Variants in CTNNA3 observed in about 807,000 individuals in gnomAD.
CTNNA3 encodes the protein catenin alpha 3.
A neutral mutation model predicts 95.7 loss-of-function variants in CTNNA3; 76 were observed. The observed-to-expected ratio is 0.79, with a 90% CI of 0.66 to 0.96. The LOEUF (loss-of-function observed/expected upper bound fraction) is 0.96, where lower values mean the gene tolerates loss of function less well. CTNNA3 is among the 40% of genes least tolerant of loss of function. CTNNA3 has a pLI of 0.00. For missense variants in CTNNA3, 1,191 were observed against 1,089.8 expected, an observed-to-expected ratio of 1.09 and a Z score of -1.31; for synonymous variants, 431 against 374.4, an observed-to-expected ratio of 1.15 and a Z score of -1.74.
At chr10:66,078,973 C>T (rs1292154177) in intron 14 of CTNNA3, 2 of 151,918 alleles carry the variant, frequency 1.3e-5, no homozygotes, top group South Asian at 2.1e-4. Flanking sequence ...ACCCAGTTTA[C>T]AGTAAATTGG....
intron 6 of CTNNA3, among the ~76,000 whole-genome samples, chr10:67,189,712 A>G (rs1232760774): frequency 2.0e-5 from 3 of 152,122 alleles, no homozygotes; most frequent in African/African-American, 7.2e-5. Context: ...TTATACAGCT[A>G]GAAGCAGAAA....
chr10:66,263,697 G>T (rs2091074074), intron 13 of CTNNA3, among the ~76,000 whole-genome samples: 1 of 151,856 alleles, frequency 6.6e-6, no homozygotes. Context: ...TCACAGGCTG[G>T]CAGTTTTCTC....
rs149882502 is a variant in CTNNA3, at chr10:66,744,120, AC to A, written c.1281+22143del. On this transcript the variant is annotated intron_variant, in intron 9 of 17. Coordinates refer to ENST00000433211, the MANE Select transcript of CTNNA3 (RefSeq NM_013266.4). ...TGACAGAGCAAATGCACGCTCTCAG[AC>A]CTATGAGCTTCTAAAATGATCCGAA... 3.7e-3 allele frequency among the ~76,000 whole-genome samples: 566 copies of A among 152,224 alleles called. 3 individuals are homozygous for A. Among genetic ancestry groups the A allele is most frequent in the African/African-American group, 0.013 (526 of 41,556 alleles).
intron 13 of CTNNA3, among the ~76,000 whole-genome samples, chr10:66,182,503 C>T (rs934437051): frequency 6.6e-6 from 1 of 152,102 alleles, no homozygotes; most frequent in East Asian, 1.9e-4. Flanking sequence ...GATCCGCCCG[C>T]CTCGGCCTCC....
At chr10:66,113,141 G>A (rs919826832) in intron 13 of CTNNA3, among the ~76,000 whole-genome samples, 1 of 151,894 alleles carries the variant, frequency 6.6e-6, no homozygotes, top group Non-Finnish European at 1.5e-5. Context: ...TATCTTTTCT[G>A]TGGCTGTTGA....
chr10:67,586,474 A>G (rs958515821), intron 3 of CTNNA3, among the ~76,000 whole-genome samples: 2 of 152,096 alleles, frequency 1.3e-5, no homozygotes, highest in African/African-American at 4.8e-5. Flanking sequence ...TATTTGTTTT[A>G]TGAATACGGG....
At chr10:67,331,670 A>T (rs140183183) in intron 5 of CTNNA3, among the ~76,000 whole-genome samples, 178 of 152,306 alleles carry the variant, frequency 1.2e-3, no homozygotes, top group African/African-American at 4.2e-3. Flanking sequence ...ATATGTGTTA[A>T]CATTCTTGAG....
intron 9 of CTNNA3, among the ~76,000 whole-genome samples, chr10:66,697,697 C>T (rs998054651): frequency 9.2e-5 from 14 of 152,120 alleles, no homozygotes; most frequent in African/African-American, 3.4e-4. Context: ...AAACTTATTA[C>T]ACTTTTTTTA....
chr10:67,654,737 T>G (rs1839974122), intron 1 of CTNNA3, among the ~76,000 whole-genome samples: 1 of 152,208 alleles, frequency 6.6e-6, no homozygotes, highest in South Asian at 2.1e-4. Flanking sequence ...TCTGGACCAG[T>G]AAAGTTACTG....
chr10:65,918,024 A>C lies in CTNNA3; in HGVS notation c.*2306T>G, dbSNP rs1475758853. The C allele has an allele frequency of 1.3e-5, 2 of 152,168 alleles. No individual in the cohort carries two copies. Among genetic ancestry groups the C allele is most frequent in the Non-Finnish European group, 2.9e-5 (2 of 68,030 alleles). 9.4% of individuals were successfully genotyped at this position (152,168 alleles called of 1,614,324 possible). ...AACTCCTAGGATATTCATTGAGTTAAAATTTTTATTGTTTTATTTAATTAT... is the reference window on the plus strand; with the variant it reads ...AACTCCTAGGATATTCATTGAGTTACAATTTTTATTGTTTTATTTAATTAT... On this transcript the variant is annotated 3_prime_UTR_variant, in exon 18 of 18. Coordinates refer to ENST00000433211, the MANE Select transcript of CTNNA3 (RefSeq NM_013266.4).
intron 13 of CTNNA3, among the ~76,000 whole-genome samples, chr10:66,113,192 A>ATT (rs71035109): frequency 1.3e-5 from 2 of 149,012 alleles, no homozygotes; most frequent in Non-Finnish European, 3.0e-5. Context: ...ATCTCATTGT[A>ATT]TTTTTTTTTT....
rs562635038 is a variant in CTNNA3 at position 66,486,131 on chromosome 10, T to C, written c.1531+34486A>G. On this transcript the variant is annotated intron_variant, in intron 11 of 17. Transcript: ENST00000433211. ...AAAACTAACACAGGAGAAAGCTCTA[T>C]GGTGTTAGCTTAGGCAGTAATTTTT... 1.1e-4 allele frequency among the ~76,000 whole-genome samples: 16 copies of C among 152,302 alleles called. No individual in the cohort carries two copies. In the South Asian group the frequency reaches 2.1e-3, roughly 20 times the overall value.
intron 9 of CTNNA3, among the ~76,000 whole-genome samples, chr10:66,671,418 A>C (rs1368594564): frequency 6.6e-6 from 1 of 152,130 alleles, no homozygotes; most frequent in East Asian, 1.9e-4. Context: ...ACCAATTTTT[A>C]AAAATACCAA....
At chr10:66,702,412 T>C (rs1181240086) in intron 9 of CTNNA3, among the ~76,000 whole-genome samples, 1 of 152,076 alleles carries the variant, frequency 6.6e-6, no homozygotes, top group Non-Finnish European at 1.5e-5. Flanking sequence ...TTCAGAGTCA[T>C]CTTGCCTCAT....
chr10:66,591,156 T>C (rs570074555), intron 10 of CTNNA3, among the ~76,000 whole-genome samples: 1 of 152,270 alleles, frequency 6.6e-6, no homozygotes, highest in South Asian at 2.1e-4. Flanking sequence ...TCTCCTAGAA[T>C]TGTTTATAAT....
intron 1 of CTNNA3, among the ~76,000 whole-genome samples, chr10:67,726,790 A>G (rs1564841472): frequency 4.6e-5 from 4 of 86,974 alleles, no homozygotes; most frequent in Non-Finnish European, 7.6e-5. Flanking sequence ...ATAAATATAT[A>G]TGATATTATA....
At chr10:67,016,476 G>A (rs1333510259) in intron 7 of CTNNA3, among the ~76,000 whole-genome samples, 1 of 152,110 alleles carries the variant, frequency 6.6e-6, no homozygotes, top group African/African-American at 2.4e-5. Flanking sequence ...AGACTGCCTG[G>A]GCTGAAAGAC....
chr10:67,054,671 G>A (rs958561025), intron 7 of CTNNA3: 1 of 152,136 alleles, frequency 6.6e-6, no homozygotes, highest in African/African-American at 2.4e-5. Flanking sequence ...GTCACAAAGT[G>A]GGAGAGGCAC....
chr10:66,082,540 G>GA (rs569759216), intron 14 of CTNNA3, among the ~76,000 whole-genome samples: 28 of 152,178 alleles, frequency 1.8e-4, no homozygotes, highest in Middle Eastern at 6.8e-3. Context: ...AATATAGGTG[G>GA]AAAAATTGAT....
Sources: allele counts gnomAD v4.1 joint callset (sites outside exome capture counted in the v4.1 genomes callset), GRCh38; gene constraint gnomAD v4.1.1; transcripts MANE v1.5; gene names NCBI Gene and HGNC (gene_info 2026-07-23, HGNC 2026-07-21).